Variants in PIK3CB observed in about 807,000 individuals in gnomAD.
PIK3CB encodes phosphatidylinositol 4,5-bisphosphate 3-kinase catalytic subunit beta isoform.
Under a neutral mutation model 136.8 loss-of-function variants are expected in PIK3CB, and 39 were observed. The observed-to-expected ratio is 0.29, with a 90% confidence interval of 0.22 to 0.37. The LOEUF is 0.37. Ranked by LOEUF, PIK3CB falls within the 10% of genes least tolerant of loss-of-function variation. PIK3CB has a pLI of 1.00. For synonymous variants in PIK3CB, 428 were observed against 436.6 expected (o/e 0.98, Z 0.25); for missense variants, 868 against 1,275.4 (o/e 0.68, Z 4.87).
intron 2 of PIK3CB, among the ~76,000 whole-genome samples, chr3:138,787,753 C>A (rs372642300): frequency 6.8e-6 from 1 of 147,784 alleles, no homozygotes; most frequent in East Asian, 2.0e-4. Context: ...AAAAAAAAAT[C>A]TAGTTTGTTT....
At chr3:138,773,683 C>T (rs565585026) in intron 2 of PIK3CB, among the ~76,000 whole-genome samples, 151 of 152,286 alleles carry the variant, frequency 9.9e-4, no homozygotes, top group African/African-American at 3.6e-3. Flanking sequence ...TAAAACTCTT[C>T]AGATTTCTAG....
At chr3:138,692,345 G>C (rs1483301861) in intron 14 of PIK3CB, among the ~76,000 whole-genome samples, 1 of 152,176 alleles carries the variant, frequency 6.6e-6, no homozygotes, top group African/African-American at 2.4e-5. Context: ...ACCAGAATTA[G>C]CTACACGGAA....
chr3:138,806,205 G>A (rs571300175), intron 1 of PIK3CB, among the ~76,000 whole-genome samples: 1 of 152,112 alleles, frequency 6.6e-6, no homozygotes, highest in Non-Finnish European at 1.5e-5. Flanking sequence ...AAGAGAAATC[G>A]GCCGGGTGAG....
chr3:138,768,782 T>C (rs1045660920), intron 2 of PIK3CB, among the ~76,000 whole-genome samples: 2 of 152,206 alleles, frequency 1.3e-5, no homozygotes, highest in African/African-American at 4.8e-5. Context: ...CCTGAGCATG[T>C]GCACACCTGG....
chr3:138,691,197 A>G lies in PIK3CB; in HGVS notation c.1893-54T>C, dbSNP rs958242137. On this transcript the variant is annotated intron_variant, in intron 14 of 23. Coordinates refer to ENST00000674063, the MANE Select transcript of PIK3CB (RefSeq NM_006219.3). Reference sequence around the variant, plus strand: ...ACCAAACAACCTGTGCCAGAAAAAGATCCCTTGGTATCAAACTATCAAATG... The same window carrying G: ...ACCAAACAACCTGTGCCAGAAAAAGGTCCCTTGGTATCAAACTATCAAATG... 24 of 1,510,664 alleles carry G rather than the reference A, an allele frequency of 1.6e-5. No individual in the cohort carries two copies. The African/African-American group carries it at 2.4e-4, about 15-fold the overall frequency. 93.6% of individuals were successfully genotyped at this position (1,510,664 alleles called of 1,614,324 possible).
intron 1 of PIK3CB, among the ~76,000 whole-genome samples, chr3:138,828,954 A>ATTTTTTTTTTTTTTTTT (rs34176247): frequency 7.6e-6 from 1 of 130,848 alleles, no homozygotes. Flanking sequence ...CACCAGGCTA[A>ATTTTTTTTTTTTTTTTT]TTTTTTTTTT....
chr3:138,760,472 T>C (rs1367667365), intron 2 of PIK3CB, among the ~76,000 whole-genome samples: 1 of 152,198 alleles, frequency 6.6e-6, no homozygotes, highest in Non-Finnish European at 1.5e-5. Flanking sequence ...CACCCTTTAA[T>C]AGTGCCATTT....
intron 2 of PIK3CB, among the ~76,000 whole-genome samples, chr3:138,772,398 A>C (rs1049099378): frequency 3.3e-5 from 5 of 152,154 alleles, no homozygotes; most frequent in African/African-American, 1.2e-4. Flanking sequence ...AGTGGGTCCA[A>C]AGGAAGGACT....
At chr3:138,790,652 A>C (rs1421875584) in intron 2 of PIK3CB, among the ~76,000 whole-genome samples, 1 of 151,248 alleles carries the variant, frequency 6.6e-6, no homozygotes, top group Non-Finnish European at 1.5e-5. Flanking sequence ...AAAATACAAA[A>C]AAAAAAAAAA....
At chr3:138,812,533 C>CA (rs983105576) in intron 1 of PIK3CB, among the ~76,000 whole-genome samples, 2 of 137,034 alleles carry the variant, frequency 1.5e-5, no homozygotes, top group African/African-American at 5.4e-5. Context: ...CTGTGCCTGG[C>CA]TTTTTTTTTT....
At chr3:138,819,964 ACT>A (rs1324105348) in intron 1 of PIK3CB, among the ~76,000 whole-genome samples, 1 of 152,138 alleles carries the variant, frequency 6.6e-6, no homozygotes, top group African/African-American at 2.4e-5. Context: ...ACAGAGCGAG[ACT>A]CTGTCTCGAT....
chr3:138,677,935 A>T (rs1262640429), intron 19 of PIK3CB, among the ~76,000 whole-genome samples: 1 of 152,168 alleles, frequency 6.6e-6, no homozygotes, highest in Non-Finnish European at 1.5e-5. Flanking sequence ...TGCAGTTTAA[A>T]AACTTAAGAA....
chr3:138,714,900 G>A (rs2044576894), intron 8 of PIK3CB, among the ~76,000 whole-genome samples, 181 bp from the exon 9 acceptor site: 1 of 152,190 alleles, frequency 6.6e-6, no homozygotes, highest in Admixed American at 6.5e-5. Flanking sequence ...AGAACCACTA[G>A]AGTGTAATTA....
intron 15 of PIK3CB, among the ~76,000 whole-genome samples, 200 bp from the exon 16 acceptor site, chr3:138,689,174 G>T (rs983849337): frequency 6.6e-6 from 1 of 151,630 alleles, no homozygotes; most frequent in African/African-American, 2.4e-5. Flanking sequence ...GTGTGATCTC[G>T]GCTCACTGCA....
chr3:138,754,852 T>C (rs2045536262), intron 4 of PIK3CB, among the ~76,000 whole-genome samples: 2 of 152,158 alleles, frequency 1.3e-5, no homozygotes, highest in Non-Finnish European at 1.5e-5. Context: ...GATACATAAA[T>C]CTCCAGTGGA....
At chr3:138,798,385 G>A (rs2046133071) in intron 1 of PIK3CB, among the ~76,000 whole-genome samples, 1 of 152,020 alleles carries the variant, frequency 6.6e-6, no homozygotes, top group South Asian at 2.1e-4. Flanking sequence ...GGCTGGTCTC[G>A]AACTCCTGAC....
intron 1 of PIK3CB, among the ~76,000 whole-genome samples, chr3:138,815,315 C>G (rs1433924335): frequency 4.3e-5 from 6 of 138,178 alleles, no homozygotes; most frequent in Non-Finnish European, 9.2e-5. Context: ...CAAGATTGTG[C>G]CACTGCACTC....
chr3:138,657,983 G>T, intron 21 of PIK3CB, 148 bp from the exon 22 acceptor site: 1 of 630,972 alleles, frequency 1.6e-6, no homozygotes, highest in East Asian at 2.9e-5. Flanking sequence ...TGAGCCAGGT[G>T]AGAAGAGACC....
chr3:138,669,327 G>T (rs978021654), intron 19 of PIK3CB, among the ~76,000 whole-genome samples: 3 of 143,852 alleles, frequency 2.1e-5, no homozygotes, highest in African/African-American at 7.7e-5. Flanking sequence ...AAGATCACCT[G>T]AGCCCAAGGA....
Sources: allele counts gnomAD v4.1 joint callset (sites outside exome capture counted in the v4.1 genomes callset), GRCh38; gene constraint gnomAD v4.1.1; transcripts MANE v1.5; gene names NCBI Gene and HGNC (gene_info 2026-07-23, HGNC 2026-07-21).